The following SLC24A3 variants were observed in gnomAD, a reference collection of about 807,000 sequenced individuals.
The protein encoded by SLC24A3 is sodium/potassium/calcium exchanger 3.
In SLC24A3, 28 loss-of-function variants were observed where a neutral mutation model predicts 75.8. The ratio of observed to expected loss-of-function variants is 0.37; its 90% CI spans 0.27 to 0.51. SLC24A3 has a LOEUF of 0.51. Ranked by LOEUF, SLC24A3 falls within the 20% of genes least tolerant of loss-of-function variation. The probability of loss-of-function intolerance (pLI) is 0.94; values close to 1 mark genes in which losing one functional copy is unlikely to be tolerated. For missense variants in SLC24A3, 663 were observed against 847.8 expected (o/e 0.78, Z 2.71); for synonymous variants, 372 against 334.1 (o/e 1.11, Z -1.24).
intron 2 of SLC24A3, among the ~76,000 whole-genome samples, chr20:19,376,249 A>G (rs1247529971): frequency 6.6e-6 from 1 of 152,216 alleles, no homozygotes; most frequent in African/African-American, 2.4e-5. Flanking sequence ...ATTATTAATG[A>G]AACTGCCAAC....
chr20:19,716,983 G>A (rs2033052415), intron 15 of SLC24A3, among the ~76,000 whole-genome samples: 1 of 152,130 alleles, frequency 6.6e-6, no homozygotes, highest in African/African-American at 2.4e-5. Flanking sequence ...CATCAGAAAT[G>A]GAATTTTAAC....
intron 6 of SLC24A3, among the ~76,000 whole-genome samples, chr20:19,644,207 C>T (rs1478958078): frequency 1.3e-5 from 2 of 152,304 alleles, no homozygotes; most frequent in Non-Finnish European, 2.9e-5. Context: ...TGCTGCATCG[C>T]GTCCAGATCC....
chr20:19,638,991 A>G (rs6075549), intron 6 of SLC24A3, among the ~76,000 whole-genome samples: 42,218 of 152,014 alleles, frequency 0.28, 7,665 homozygotes, highest in Non-Finnish European at 0.4. Flanking sequence ...AACCTTCCAC[A>G]CTGTGGAAGG....
At chr20:19,673,757 G>C in intron 9 of SLC24A3, 103 bp downstream of exon 9, 1 of 924,082 alleles carries the variant, frequency 1.1e-6, no homozygotes, top group East Asian at 2.5e-5. Flanking sequence ...TGGTTTTTCA[G>C]TGTGTATCAT....
rs146345516 is a variant in SLC24A3, at chr20:19,596,881, T to C, written c.612+11337T>C. 1.5e-3 allele frequency among the ~76,000 whole-genome samples: 225 copies of C among 152,290 alleles called. 2 individuals carry two copies. Among genetic ancestry groups the C allele is most frequent in the African/African-American group, 5.3e-3 (219 of 41,564 alleles). ...CTACGGTGTGGATTGACCCATCTTA[T>C]TCTCTGTCCTCTGCTTTCTCACACC... On this transcript the variant is annotated intron_variant, in intron 6 of 16. Transcript: ENST00000328041.
At chr20:19,342,992 C>G (rs902445791) in intron 2 of SLC24A3, among the ~76,000 whole-genome samples, 1 of 150,594 alleles carries the variant, frequency 6.6e-6, no homozygotes, top group Non-Finnish European at 1.5e-5. Context: ...ATGGTGTGAA[C>G]CCAGGAGGCG....
At chr20:19,534,460 G>A (rs1363853771) in intron 3 of SLC24A3, among the ~76,000 whole-genome samples, 1 of 111,688 alleles carries the variant, frequency 9.0e-6, no homozygotes, top group Non-Finnish European at 2.0e-5. Flanking sequence ...ACCCAGGCTG[G>A]AGTGCAGTGG....
intron 2 of SLC24A3, among the ~76,000 whole-genome samples, chr20:19,319,574 C>T (rs957183266): frequency 2.0e-5 from 3 of 152,220 alleles, no homozygotes; most frequent in African/African-American, 7.2e-5. Flanking sequence ...AAAATAGACT[C>T]CTTGCCCTGG....
chr20:19,343,532 T>G (rs6106060), intron 2 of SLC24A3, among the ~76,000 whole-genome samples: 1 of 151,860 alleles, frequency 6.6e-6, no homozygotes, highest in Non-Finnish European at 1.5e-5. Flanking sequence ...CCAGTAGAAA[T>G]GTACAGCCTT....
At chr20:19,383,314 CAGA>C (rs1230909396) in intron 2 of SLC24A3, among the ~76,000 whole-genome samples, 4 of 152,200 alleles carry the variant, frequency 2.6e-5, no homozygotes, top group Non-Finnish European at 4.4e-5. Flanking sequence ...TTTTTGAATG[CAGA>C]AGAATTGCCA....
intron 2 of SLC24A3, among the ~76,000 whole-genome samples, chr20:19,444,584 A>T (rs1179094413): frequency 6.9e-6 from 1 of 145,662 alleles, no homozygotes; most frequent in Non-Finnish European, 1.5e-5. Context: ...GGCCCATATC[A>T]TCTAGGTTAT....
chr20:19,699,962 A>G (rs1336052906), intron 15 of SLC24A3, among the ~76,000 whole-genome samples: 2 of 152,160 alleles, frequency 1.3e-5, no homozygotes, highest in African/African-American at 4.8e-5. Context: ...TTGGTACAGC[A>G]TGGCCTATCG....
Position 19,212,701 on chromosome 20 carries a change from G to T in SLC24A3, c.-142G>T. On this transcript the variant is annotated 5_prime_UTR_variant, in exon 1 of 17. It adds an upstream start codon to the 5' untranslated region. Transcript: ENST00000328041. ...GCAGCGGCGAGGAGGAGGAAGAGGA[G>T]GCGGAGGCGGCGGCCGGGTGGGAGC... 1 of 540,876 alleles carries T rather than the reference G, an allele frequency of 1.8e-6. No individual in the cohort carries two copies. The highest frequency in any genetic ancestry group is 7.5e-5 in the South Asian group (1 of 13,342). The allele number at this position is 540,876 out of a possible 1,614,324, so 33.5% of individuals were successfully genotyped here. A position where few individuals can be genotyped will look rare whatever the true frequency, so the allele number is the denominator to read the frequency against.
chr20:19,325,839 G>GAT (rs1491237998), intron 2 of SLC24A3, among the ~76,000 whole-genome samples: 1 of 61,410 alleles, frequency 1.6e-5, no homozygotes, highest in Non-Finnish European at 3.0e-5. Context: ...GAGAGAGAGA[G>GAT]GGAGACATCT....
Position 19,644,874 on chromosome 20 carries a change from G to A in SLC24A3, c.613-9188G>A, listed in dbSNP as rs2032116901. On this transcript the variant is annotated intron_variant, in intron 6 of 16. Coordinates refer to ENST00000328041, the MANE Select transcript of SLC24A3 (RefSeq NM_020689.4). ...ACTCTGAAAACTAGATTAGGGAGTGGGTGAGCATAAATGAGAAAAAAAAAT... is the reference window on the plus strand; with the variant it reads ...ACTCTGAAAACTAGATTAGGGAGTGAGTGAGCATAAATGAGAAAAAAAAAT... Among the ~76,000 whole-genome samples the A allele has an allele frequency of 7.2e-5, 11 of 151,984 alleles. No individual in the cohort carries two copies. The South Asian group carries it at 2.3e-3, about 32-fold the overall frequency.
intron 2 of SLC24A3, among the ~76,000 whole-genome samples, chr20:19,294,224 C>T (rs1168510903): frequency 1.3e-5 from 2 of 151,992 alleles, no homozygotes; most frequent in African/African-American, 4.8e-5. Context: ...GAAATCAAAC[C>T]ATTTTAATTA....
intron 2 of SLC24A3, among the ~76,000 whole-genome samples, chr20:19,328,361 A>G (rs1056844424): frequency 6.6e-6 from 1 of 152,130 alleles, no homozygotes; most frequent in Non-Finnish European, 1.5e-5. Context: ...TACATTGTTA[A>G]AGGATCAACC....
chr20:19,696,961 G>T (rs1243167095), intron 14 of SLC24A3, 50 bp downstream of exon 14: 6 of 744,258 alleles, frequency 8.1e-6, no homozygotes, highest in East Asian at 2.9e-5. Context: ...GAGGAGGAGA[G>T]GGAGGGAAGA....
chr20:19,586,492 G>A (rs895860008), intron 6 of SLC24A3, among the ~76,000 whole-genome samples: 1 of 152,058 alleles, frequency 6.6e-6, no homozygotes, highest in Non-Finnish European at 1.5e-5. Flanking sequence ...TGGCTGATTG[G>A]GTCAGGGGGC....
Sources: gnomAD v4.1 joint callset for allele counts (sites outside exome capture counted in the v4.1 genomes callset) on GRCh38, gnomAD v4.1.1 for gene constraint, MANE v1.5 for transcripts, NCBI Gene and HGNC (gene_info 2026-07-23, HGNC 2026-07-21) for gene names.